Variants in COL26A1 observed in about 807,000 individuals in gnomAD.
COL26A1 encodes the protein collagen type XXVI alpha 1 chain, also known as collagen alpha-1(XXVI) chain.
In COL26A1, 41 loss-of-function variants were observed where a neutral mutation model predicts 59.3. The ratio of observed to expected loss-of-function variants is 0.69; its 90% CI spans 0.54 to 0.90. The LOEUF (loss-of-function observed/expected upper bound fraction) is 0.90. Among genes scored for constraint, COL26A1 ranks in the 40% least tolerant of loss-of-function variants. COL26A1 has a pLI of 0.00. For synonymous variants in COL26A1, 266 were observed against 256.0 expected, an observed-to-expected ratio of 1.04 and a Z score of -0.37; for missense variants, 612 against 602.3, an observed-to-expected ratio of 1.02 and a Z score of -0.17.
chr7:101,418,982 C>A (rs982323715), intron 1 of COL26A1, among the ~76,000 whole-genome samples: 6 of 151,480 alleles, frequency 4.0e-5, no homozygotes, highest in Non-Finnish European at 5.9e-5. Flanking sequence ...AGCCTTCTGG[C>A]TCTTTCTTTC....
intron 1 of COL26A1, among the ~76,000 whole-genome samples, chr7:101,406,673 G>A (rs1359421455): frequency 6.6e-6 from 1 of 152,196 alleles, no homozygotes; most frequent in African/African-American, 2.4e-5. Context: ...TGTGTTGGCC[G>A]GGTGCAGTGG....
intron 3 of COL26A1, among the ~76,000 whole-genome samples, chr7:101,531,058 C>T (rs1795357839): frequency 6.6e-6 from 1 of 151,942 alleles, no homozygotes; most frequent in Non-Finnish European, 1.5e-5. Flanking sequence ...GCAAGCTCTG[C>T]CTCCTGGCTT....
Position 101,489,664 on chromosome 7 carries a change from C to CTTTTT in COL26A1, c.385+41877_385+41878insTTTTT, listed in dbSNP as rs1563007363. Among the ~76,000 whole-genome samples, 2 of 22,702 alleles carry CTTTTT rather than the reference C, an allele frequency of 8.8e-5. 1 individual carries two copies. Among genetic ancestry groups the CTTTTT allele is most frequent in the African/African-American group, 6.5e-4 (2 of 3,058 alleles). 14.9% of individuals were successfully genotyped at this position (22,702 alleles called of 152,430 possible). On this transcript the variant is annotated intron_variant, in intron 3 of 12. Transcript: ENST00000313669. ...TTCTTTCTTTCTTTCTTTCTTTCTT[C>CTTTTT]CTTCCTTCCTTCCTTCCTTTCTTTC...
chr7:101,394,342 G>C (rs531148169), intron 1 of COL26A1, among the ~76,000 whole-genome samples: 1 of 152,082 alleles, frequency 6.6e-6, no homozygotes. Context: ...TTTCTAGAAT[G>C]ATAAGATTAT....
Position 101,555,815 on chromosome 7 carries a change from C to T in COL26A1, c.1109C>T (p.Ala370Val). The stretch of plus-strand genomic sequence containing the variant: ...GAGGGGGTGCAGCAGCTGAGAGAGG[C>T]CCTGAAGATCCTGGCAGAGCGAGTC... Reference protein sequence around the residue: ...EGEGVQQLREALKILAERVLI... With the variant: ...EGEGVQQLREVLKILAERVLI... Residue 370 changes from alanine to valine, a missense_variant, in exon 12 of 13, where the codon GCC (alanine) becomes GTC (valine). Ala to Val is a moderately conservative substitution (Grantham distance 64). Coordinates refer to ENST00000313669, the MANE Select transcript of COL26A1 (RefSeq NM_001278563.3). 6.2e-7 allele frequency: 1 copy of T among 1,611,566 alleles called. No homozygotes were observed. Among genetic ancestry groups the T allele is most frequent in the South Asian group, 1.1e-5 (1 of 90,156 alleles).
At chr7:101,515,535 T>G (rs1490074243) in intron 3 of COL26A1, among the ~76,000 whole-genome samples, 1 of 151,808 alleles carries the variant, frequency 6.6e-6, no homozygotes, top group African/African-American at 2.4e-5. Context: ...CTGCCCGCCT[T>G]GGTCTCCCAA....
At chr7:101,496,563 TC>T in intron 3 of COL26A1, among the ~76,000 whole-genome samples, 1 of 152,146 alleles carries the variant, frequency 6.6e-6, no homozygotes, top group Non-Finnish European at 1.5e-5. Flanking sequence ...TGTGGGGTCT[TC>T]AAACTCCACA....
chr7:101,415,145 A>G (rs1156770637), intron 1 of COL26A1, among the ~76,000 whole-genome samples: 2 of 147,938 alleles, frequency 1.4e-5, no homozygotes, highest in East Asian at 3.9e-4. Context: ...AGTCCTGATC[A>G]TAACCCCCCC....
chr7:101,487,499 G>A (rs6953259), intron 3 of COL26A1, among the ~76,000 whole-genome samples: 41,119 of 151,934 alleles, frequency 0.27, 5,786 homozygotes, highest in Middle Eastern at 0.33. Context: ...CATGGCTCTC[G>A]GTGCCCTCCC....
At chr7:101,505,306 G>A (rs553787345) in intron 3 of COL26A1, among the ~76,000 whole-genome samples, 2 of 152,160 alleles carry the variant, frequency 1.3e-5, no homozygotes, top group East Asian at 3.9e-4. Flanking sequence ...GTGTATGCAT[G>A]AGTGTGATGG....
chr7:101,549,196 A>G lies in COL26A1; in HGVS notation c.966A>G (p.Pro322=), dbSNP rs777504165. 1.9e-6 allele frequency: 3 copies of G among 1,605,328 alleles called. No homozygotes were observed. The Admixed American group carries it at 5.1e-5, about 27-fold the overall frequency. The stretch of plus-strand genomic sequence containing the variant: ...GTCCCCCTGGGCCTCGAGGTCCCCC[A>G]GGACCCCCAGGAACACCTGGATCCC... ...PPGPPGPRGP[P]GPPGTPGSQG... The change falls in exon 9 of 13, where the codon CCA becomes CCG. Residue 322 remains proline (P), a synonymous_variant. Transcript: ENST00000313669.
intron 1 of COL26A1, among the ~76,000 whole-genome samples, chr7:101,399,165 G>C (rs1159655329): frequency 2.0e-5 from 3 of 152,038 alleles, no homozygotes; most frequent in African/African-American, 7.2e-5. Context: ...AATTAGCCAG[G>C]TGTGGTGGCG....
intron 3 of COL26A1, among the ~76,000 whole-genome samples, chr7:101,521,747 A>G (rs776939448): frequency 1.9e-4 from 29 of 152,188 alleles, no homozygotes; most frequent in South Asian, 2.1e-4. Flanking sequence ...GAACGTTCTC[A>G]TGATCTTGAA....
At chr7:101,398,462 G>C (rs1357252960) in intron 1 of COL26A1, among the ~76,000 whole-genome samples, 1 of 152,128 alleles carries the variant, frequency 6.6e-6, no homozygotes, top group African/African-American at 2.4e-5. Context: ...CTCTTATTGG[G>C]CTTATGGACA....
At chr7:101,379,429 C>T (rs1791395804) in intron 1 of COL26A1, among the ~76,000 whole-genome samples, 1 of 152,180 alleles carries the variant, frequency 6.6e-6, no homozygotes, top group African/African-American at 2.4e-5. Context: ...GGCTGTGCTC[C>T]TGGTCTCTCT....
At chr7:101,477,990 A>G (rs1446074719) in intron 3 of COL26A1, among the ~76,000 whole-genome samples, 7 of 151,770 alleles carry the variant, frequency 4.6e-5, no homozygotes, top group Non-Finnish European at 7.4e-5. Flanking sequence ...TTTTTTATTT[A>G]TTTATTTTTT....
At chr7:101,437,976 G>A (rs777444825) in intron 2 of COL26A1, among the ~76,000 whole-genome samples, 23 of 152,026 alleles carry the variant, frequency 1.5e-4, no homozygotes, top group Non-Finnish European at 3.1e-4. Context: ...GCCTCCCGAA[G>A]TGTTGGGATT....
chr7:101,513,507 G>T (rs2130591398), intron 3 of COL26A1, among the ~76,000 whole-genome samples: 1 of 150,358 alleles, frequency 6.7e-6, no homozygotes, highest in East Asian at 2.0e-4. Flanking sequence ...TTGTATTTTT[G>T]TATTTTTGTA....
At chr7:101,467,158 T>C (rs1174374738) in intron 3 of COL26A1, among the ~76,000 whole-genome samples, 1 of 151,918 alleles carries the variant, frequency 6.6e-6, no homozygotes, top group East Asian at 1.9e-4. Context: ...TCAGGACCTT[T>C]TGAAGCAGCA....
Sources: allele counts gnomAD v4.1 joint callset (sites outside exome capture counted in the v4.1 genomes callset), GRCh38; gene constraint gnomAD v4.1.1; transcripts MANE v1.5; gene names NCBI Gene and HGNC (gene_info 2026-07-23, HGNC 2026-07-21).